Variants in LRRTM4 observed in about 807,000 individuals in gnomAD.
The protein encoded by LRRTM4 is leucine rich repeat transmembrane neuronal 4, also known as leucine-rich repeat transmembrane neuronal protein 4.
LRRTM4 carries 25 observed loss-of-function variants against 47.6 expected under a neutral mutation model. The observed-to-expected ratio is 0.53, with a 90% CI of 0.38 to 0.73. The LOEUF (loss-of-function observed/expected upper bound fraction) is 0.73, where lower values mean the gene tolerates loss of function less well. LRRTM4 is among the 30% of genes least tolerant of loss of function. LRRTM4 has a pLI of 0.00. For missense variants in LRRTM4, 638 were observed against 713.4 expected (o/e 0.89, Z 1.20); for synonymous variants, 311 against 269.5 (o/e 1.15, Z -1.51).
intron 3 of LRRTM4, among the ~76,000 whole-genome samples, chr2:76,806,601 G>GA (rs58802607): frequency 4.6e-5 from 7 of 151,486 alleles, no homozygotes; most frequent in African/African-American, 1.2e-4. Flanking sequence ...TTTTTAAAAA[G>GA]AAAAAAAACA....
chr2:76,817,165 G>A (rs1232494112), intron 3 of LRRTM4, among the ~76,000 whole-genome samples: 1 of 151,952 alleles, frequency 6.6e-6, no homozygotes, highest in African/African-American at 2.4e-5. Flanking sequence ...TTCACATGGA[G>A]AGAACAGCCT....
intron 3 of LRRTM4, among the ~76,000 whole-genome samples, chr2:77,466,331 C>T (rs1037678518): frequency 1.3e-5 from 2 of 152,076 alleles, no homozygotes; most frequent in Admixed American, 1.3e-4. Context: ...TTGGTTACCA[C>T]TAAGCAAGAA....
chr2:77,041,929 G>GAC (rs1179672532), intron 3 of LRRTM4, among the ~76,000 whole-genome samples: 1 of 99,716 alleles, frequency 1.0e-5, no homozygotes, highest in East Asian at 3.2e-4. Flanking sequence ...ATGGAATAAA[G>GAC]AGAATCATCT....
chr2:77,335,646 A>G (rs1671136323), intron 3 of LRRTM4, among the ~76,000 whole-genome samples: 1 of 152,174 alleles, frequency 6.6e-6, no homozygotes, highest in Non-Finnish European at 1.5e-5. Flanking sequence ...TTACTTCTAA[A>G]TAATATTCAT....
chr2:76,859,506 A>G (rs1672250576), intron 3 of LRRTM4, among the ~76,000 whole-genome samples: 1 of 152,180 alleles, frequency 6.6e-6, no homozygotes, highest in Non-Finnish European at 1.5e-5. Flanking sequence ...AAAAGCCAAG[A>G]GCTGGTTAAT....
chr2:77,192,984 A>G (rs2103882603), intron 3 of LRRTM4, among the ~76,000 whole-genome samples: 1 of 152,152 alleles, frequency 6.6e-6, no homozygotes, highest in African/African-American at 2.4e-5. Context: ...CTGCATAAGG[A>G]CGTTTCTGTC....
At chr2:77,450,961 A>G (rs776463281) in intron 3 of LRRTM4, among the ~76,000 whole-genome samples, 1 of 152,186 alleles carries the variant, frequency 6.6e-6, no homozygotes, top group Non-Finnish European at 1.5e-5. Context: ...GAGTTCAACA[A>G]TCTAACTAAG....
At chr2:77,343,356 A>C (rs1671444642) in intron 3 of LRRTM4, among the ~76,000 whole-genome samples, 1 of 151,966 alleles carries the variant, frequency 6.6e-6, no homozygotes, top group African/African-American at 2.4e-5. Flanking sequence ...AAAACAGAAC[A>C]AATTTTATTA....
chr2:77,139,225 A>G (rs957185505), intron 3 of LRRTM4, among the ~76,000 whole-genome samples: 4 of 152,192 alleles, frequency 2.6e-5, no homozygotes, highest in East Asian at 1.9e-4. Context: ...AAAATCCTCA[A>G]TAAAATACTG....
chr2:76,748,733 CCGACCTGG>C lies in LRRTM4; in HGVS notation c.1727_1734del (p.Ala576GlyfsTer90). The C allele has an allele frequency of 6.2e-7, 1 of 1,613,616 alleles. No homozygotes were observed. The highest frequency in any genetic ancestry group is 2.2e-5 in the East Asian group (1 of 44,850). ...CTCTCTAGGTAGATGGCCGGTGCTG[CCGACCTGG>C]CGATGGTGGCGATGAAGCTGTGGTC... is the stretch of plus-strand genomic sequence containing the variant. On this transcript the variant is annotated frameshift_variant, in exon 4 of 4. Transcript: ENST00000409884. LOFTEE classifies it high-confidence loss of function.
chr2:77,104,649 C>G (rs1671044106), intron 3 of LRRTM4, among the ~76,000 whole-genome samples: 1 of 152,180 alleles, frequency 6.6e-6, no homozygotes, highest in Non-Finnish European at 1.5e-5. Flanking sequence ...CAAGATCCGA[C>G]AGACCTGAAT....
chr2:76,943,932 C>T (rs775784278), intron 3 of LRRTM4, among the ~76,000 whole-genome samples: 1 of 152,110 alleles, frequency 6.6e-6, no homozygotes, highest in Non-Finnish European at 1.5e-5. Context: ...GGGCCATTAT[C>T]CTAGTGCCAT....
chr2:76,824,217 G>A (rs562969681), intron 3 of LRRTM4, among the ~76,000 whole-genome samples: 1 of 151,536 alleles, frequency 6.6e-6, no homozygotes, highest in Non-Finnish European at 1.5e-5. Flanking sequence ...CCAATGGAAA[G>A]CGTGTTTGCC....
chr2:77,065,144 T>C (rs746235674), intron 3 of LRRTM4, among the ~76,000 whole-genome samples: 3 of 152,176 alleles, frequency 2.0e-5, no homozygotes, highest in South Asian at 2.1e-4. Context: ...CATTTAATGC[T>C]CATCAAAATC....
intron 3 of LRRTM4, among the ~76,000 whole-genome samples, chr2:76,854,376 T>A (rs1316632091): frequency 6.6e-6 from 1 of 152,026 alleles, no homozygotes; most frequent in Non-Finnish European, 1.5e-5. Context: ...TATAAATCAT[T>A]AAATAGAGTC....
chr2:76,786,768 C>G (rs770432842), intron 3 of LRRTM4, among the ~76,000 whole-genome samples: 2 of 151,908 alleles, frequency 1.3e-5, no homozygotes. Context: ...AAAAAAAATG[C>G]ATCATTTTCT....
At chr2:76,824,104 A>C (rs1345675824) in intron 3 of LRRTM4, among the ~76,000 whole-genome samples, 1 of 151,498 alleles carries the variant, frequency 6.6e-6, no homozygotes, top group Non-Finnish European at 1.5e-5. Flanking sequence ...TAAGTTGTAG[A>C]TATCTCATAG....
intron 3 of LRRTM4, among the ~76,000 whole-genome samples, chr2:77,207,204 C>A (rs1674151126): frequency 7.5e-6 from 1 of 133,800 alleles, no homozygotes; most frequent in East Asian, 2.2e-4. Flanking sequence ...CAAAATGAAA[C>A]CAGGAAAAAT....
intron 3 of LRRTM4, among the ~76,000 whole-genome samples, chr2:77,466,534 T>G (rs551748272): frequency 6.6e-6 from 1 of 152,276 alleles, no homozygotes; most frequent in East Asian, 1.9e-4. Context: ...TATTTTATAT[T>G]ATTAGCATTT....
Sources: gnomAD v4.1 joint callset for allele counts (sites outside exome capture counted in the v4.1 genomes callset) on GRCh38, gnomAD v4.1.1 for gene constraint, MANE v1.5 for transcripts, NCBI Gene and HGNC (gene_info 2026-07-23, HGNC 2026-07-21) for gene names.